The following CFAP54 variants were observed in gnomAD, a reference collection of about 807,000 sequenced individuals.
CFAP54 encodes cilia and flagella associated protein 54, also known as cilia- and flagella-associated protein 54.
A neutral mutation model predicts 370.4 loss-of-function variants in CFAP54; 290 were observed. The ratio of observed to expected loss-of-function variants is 0.78; its 90% CI spans 0.71 to 0.86. The LOEUF is 0.86. CFAP54 is among the 40% of genes least tolerant of loss of function. CFAP54 has a pLI of 0.00. For synonymous variants in CFAP54, 1,206 were observed against 1,236.5 expected (o/e 0.98, Z 0.52); for missense variants, 3,399 against 3,528.7 (o/e 0.96, Z 0.93).
At chr12:96,679,887 G>A in intron 40 of CFAP54, 135 bp downstream of exon 40, 1 of 827,468 alleles carries the variant, frequency 1.2e-6, no homozygotes. Context: ...CTTTCCTCTT[G>A]TCCAGTGGAT....
intron 44 of CFAP54, among the ~76,000 whole-genome samples, chr12:96,693,260 C>T (rs1382074137): frequency 6.6e-6 from 1 of 152,108 alleles, no homozygotes; most frequent in Non-Finnish European, 1.5e-5. Flanking sequence ...TAATTGAAGA[C>T]AAAAAGCAGC....
chr12:96,872,022 A>T (rs984633812), intron 67 of CFAP54, among the ~76,000 whole-genome samples: 1 of 152,130 alleles, frequency 6.6e-6, no homozygotes, highest in African/African-American at 2.4e-5. Context: ...TGAAAAAAGG[A>T]TGGCAAAATT....
chr12:96,771,215 G>C (rs757622543), intron 60 of CFAP54, among the ~76,000 whole-genome samples: 16 of 152,314 alleles, frequency 1.1e-4, no homozygotes, highest in Non-Finnish European at 2.1e-4. Context: ...TCTGGAAAGA[G>C]GGCCCTGCAG....
intron 67 of CFAP54, among the ~76,000 whole-genome samples, chr12:96,869,457 C>T (rs17026007): frequency 0.015 from 2,303 of 152,106 alleles, 71 homozygotes; most frequent in African/African-American, 0.053. Context: ...TACATAGTTC[C>T]GCTTGAGGTG....
intron 67 of CFAP54, among the ~76,000 whole-genome samples, chr12:96,874,623 TTTTATTTTA>T (rs1296480175): frequency 0.065 from 732 of 11,264 alleles, 275 homozygotes; most frequent in East Asian, 0.13. Flanking sequence ...TTTTTTTTAT[TTTTATTTTA>T]TTTTTTTTTT....
chr12:96,765,333 G>T, intron 60 of CFAP54, 115 bp downstream of exon 60: 1 of 995,452 alleles, frequency 1.0e-6, no homozygotes, highest in Non-Finnish European at 1.4e-6. Context: ...ATAATGTTTG[G>T]GGGCACTTCC....
chr12:96,722,538 T>C (rs1228571443), intron 50 of CFAP54, among the ~76,000 whole-genome samples: 1 of 152,070 alleles, frequency 6.6e-6, no homozygotes, highest in African/African-American at 2.4e-5. Flanking sequence ...GACAAGGAGA[T>C]TACATAAGAC....
At chr12:96,757,728 G>C (rs1958279320) in intron 58 of CFAP54, 140 bp downstream of exon 58, 1 of 515,782 alleles carries the variant, frequency 1.9e-6, no homozygotes, top group Non-Finnish European at 3.4e-6. Flanking sequence ...AGTTACACTT[G>C]TAACTATGTT....
In CFAP54 at chr12:96,756,526, G is replaced by A. The variant is rs750644687; in HGVS notation, c.7909G>A (p.Ala2637Thr). 1.9e-6 allele frequency: 3 copies of A among 1,605,928 alleles called. No individual in the cohort carries two copies. The Admixed American group carries it at 5.1e-5, about 27-fold the overall frequency. ...TTTTCAACTTGAGAGTTTATATGAA[G>A]CTATACAACTAAGCCTGAAAAATGA... is the stretch of plus-strand genomic sequence containing the variant. ...PSFQLESLYEAIQLSLKNDQN... is the reference protein window; with the variant it reads ...PSFQLESLYETIQLSLKNDQN... Residue 2637 changes from alanine to threonine, a missense_variant, in exon 57 of 68, where the codon GCT becomes ACT. Coordinates refer to ENST00000524981, the MANE Select transcript of CFAP54 (RefSeq NM_001306084.2).
At chr12:96,601,609 T>C (rs1032088815) in intron 26 of CFAP54, among the ~76,000 whole-genome samples, 1 of 152,226 alleles carries the variant, frequency 6.6e-6, no homozygotes, top group Non-Finnish European at 1.5e-5. Flanking sequence ...GTTGGTATGC[T>C]ATTAATTATT....
chr12:96,703,458 T>C (rs1258047786), intron 46 of CFAP54, among the ~76,000 whole-genome samples: 1 of 152,150 alleles, frequency 6.6e-6, no homozygotes, highest in African/African-American at 2.4e-5. Flanking sequence ...TGGAAGCTGC[T>C]GGTGACTTCC....
chr12:96,550,726 A>T (rs1410490373), intron 15 of CFAP54, among the ~76,000 whole-genome samples: 2 of 152,244 alleles, frequency 1.3e-5, no homozygotes, highest in African/African-American at 4.8e-5. Context: ...TGCAGAGCTC[A>T]TGAGAAAGTT....
At chr12:96,864,600 T>G (rs1959958845) in intron 67 of CFAP54, among the ~76,000 whole-genome samples, 1 of 152,160 alleles carries the variant, frequency 6.6e-6, no homozygotes, top group African/African-American at 2.4e-5. Flanking sequence ...CTGCCCCTTT[T>G]GAGCAACATC....
chr12:96,787,933 G>A (rs1003244491), intron 62 of CFAP54, among the ~76,000 whole-genome samples: 1 of 148,062 alleles, frequency 6.8e-6, no homozygotes, highest in African/African-American at 2.5e-5. Flanking sequence ...TTTTTTTTGA[G>A]ACAGAGTCTC....
At chr12:96,643,003 T>G (rs1005282883) in intron 32 of CFAP54, among the ~76,000 whole-genome samples, 1 of 152,204 alleles carries the variant, frequency 6.6e-6, no homozygotes, top group East Asian at 1.9e-4. Flanking sequence ...CTCCCTGAAC[T>G]ATCGCACTCT....
At chr12:96,626,695 TA>T in intron 29 of CFAP54, 117 bp from the exon 30 acceptor site, 1 of 487,852 alleles carries the variant, frequency 2.0e-6, no homozygotes, top group Non-Finnish European at 3.4e-6. Flanking sequence ...TGGAGAAATC[TA>T]AAAAGCAGAT....
chr12:96,729,418 G>T (rs1268599139), intron 50 of CFAP54, among the ~76,000 whole-genome samples: 1 of 152,224 alleles, frequency 6.6e-6, no homozygotes, highest in Non-Finnish European at 1.5e-5. Context: ...CTTCTGCCTT[G>T]CAGTTTGATC....
intron 55 of CFAP54, among the ~76,000 whole-genome samples, chr12:96,749,115 C>T (rs186296127): frequency 3.7e-4 from 56 of 152,296 alleles, no homozygotes; most frequent in Non-Finnish European, 2.8e-4. Flanking sequence ...AATTTATAAA[C>T]AGCGGAAACC....
chr12:96,802,253 C>T (rs997894577), intron 63 of CFAP54, among the ~76,000 whole-genome samples: 1 of 152,136 alleles, frequency 6.6e-6, no homozygotes, highest in African/African-American at 2.4e-5. Context: ...CTCACAGATT[C>T]TTGCCCATGC....
Sources: allele counts gnomAD v4.1 joint callset (sites outside exome capture counted in the v4.1 genomes callset), GRCh38; gene constraint gnomAD v4.1.1; transcripts MANE v1.5; gene names NCBI Gene and HGNC (gene_info 2026-07-23, HGNC 2026-07-21).